The following ABCA1 variants were observed in gnomAD, a reference collection of about 807,000 sequenced individuals.
The protein encoded by ABCA1 is phospholipid-transporting ATPase ABCA1.
Under a neutral mutation model 262.5 loss-of-function variants are expected in ABCA1, and 133 were observed. That is an observed-to-expected ratio of 0.51 (90% CI 0.44 to 0.59). The LOEUF (loss-of-function observed/expected upper bound fraction) is 0.59, where lower values mean the gene tolerates loss of function less well. Among genes scored for constraint, ABCA1 ranks in the 20% least tolerant of loss-of-function variants. The pLI, the probability that ABCA1 is intolerant of heterozygous loss-of-function variation, is 0.00. For synonymous variants in ABCA1, 1,022 were observed against 1,043.5 expected, an observed-to-expected ratio of 0.98 and a Z score of 0.40; for missense variants, 2,452 against 2,777.5, an observed-to-expected ratio of 0.88 and a Z score of 2.63.
At position 104,792,578 on chromosome 9, in the gene ABCA1, T is replaced by C. The variant is rs537841278; in HGVS notation, c.5757+208A>G. 7.2e-5 allele frequency among the ~76,000 whole-genome samples: 11 copies of C among 152,350 alleles called. No individual in the cohort carries two copies. In the East Asian group the frequency reaches 1.2e-3, roughly 16 times the overall value. On this transcript the variant is annotated intron_variant, in intron 42 of 49. Transcript: ENST00000374736. ...CATATAAAACCAATGTATTCGAGAA[T>C]GGGAATTCATATCACAAAAGAATTC...
At chr9:104,807,207 G>A (rs1380541770) in intron 30 of ABCA1, among the ~76,000 whole-genome samples, 1 of 152,084 alleles carries the variant, frequency 6.6e-6, no homozygotes, top group Non-Finnish European at 1.5e-5. Flanking sequence ...AGTAGAGACT[G>A]GCAAGATCCA....
At position 104,782,196 on chromosome 9, in the gene ABCA1, C is replaced by A. The variant is rs1828585750; in HGVS notation, c.*2119G>T. ...ATGAGGAGAAATTATTCTATAAATT[C>A]TGTATTTTTGAAGATACTGTAAAAT... On this transcript the variant is annotated 3_prime_UTR_variant, in exon 50 of 50. Coordinates refer to ENST00000374736, the MANE Select transcript of ABCA1 (RefSeq NM_005502.4). 1 of 152,042 alleles carries A rather than the reference C, an allele frequency of 6.6e-6. No individual in the cohort carries two copies. The highest frequency in any genetic ancestry group is 1.5e-5 in the Non-Finnish European group (1 of 67,954). 9.4% of individuals were successfully genotyped at this position (152,042 alleles called of 1,614,324 possible). A position where few individuals can be genotyped will look rare whatever the true frequency, so the allele number is the denominator to read the frequency against.
At chr9:104,806,948 A>G (rs974522395) in intron 30 of ABCA1, among the ~76,000 whole-genome samples, 2 of 152,240 alleles carry the variant, frequency 1.3e-5, no homozygotes, top group East Asian at 1.9e-4. Flanking sequence ...CAGCCAAAAC[A>G]TAACAATGAT....
chr9:104,796,329 G>A lies in ABCA1; in HGVS notation c.5217C>T (p.Ala1739=), dbSNP rs1829896152. The A allele has an allele frequency of 6.2e-7, 1 of 1,614,078 alleles. No homozygotes were observed. Among genetic ancestry groups the A allele is most frequent in the Non-Finnish European group, 8.5e-7 (1 of 1,180,032 alleles). The change falls in exon 38 of 50, where the codon GCC becomes GCT. Residue 1739 remains alanine (A), a synonymous_variant. Transcript: ENST00000374736. ...CTTACCCATACAGCAAAAGTAGAAG[G>A]GCTAGCACAGGCAGATTGGTGGAGG... ...YVSSTNLPVL[A]LLLLLYGWSI...
chr9:104,899,366 A>G (rs1317147699), intron 2 of ABCA1, among the ~76,000 whole-genome samples: 1 of 152,170 alleles, frequency 6.6e-6, no homozygotes. Context: ...TAATTTTTGG[A>G]TAGTTCATTC....
At chr9:104,896,601 T>A (rs1173240815) in intron 2 of ABCA1, among the ~76,000 whole-genome samples, 1 of 150,962 alleles carries the variant, frequency 6.6e-6, no homozygotes, top group Admixed American at 6.6e-5. Context: ...CTCCCCCATA[T>A]ATCAGAATGT....
At chr9:104,814,510 C>A (rs1165413192) in intron 25 of ABCA1, 35 bp from the exon 26 acceptor site, 8 of 1,602,526 alleles carry the variant, frequency 5.0e-6, no homozygotes, top group Non-Finnish European at 6.8e-6. Flanking sequence ...ATTATAAGCA[C>A]CAACATTACG....
At chr9:104,887,224 G>GCCTC (rs1839255918) in intron 3 of ABCA1, among the ~76,000 whole-genome samples, 2 of 152,224 alleles carry the variant, frequency 1.3e-5, no homozygotes, top group Admixed American at 6.5e-5. Flanking sequence ...ATTGTAGTGA[G>GCCTC]CGGAGATTGC....
intron 1 of ABCA1, among the ~76,000 whole-genome samples, chr9:104,914,139 T>C (rs1841691588): frequency 6.6e-6 from 1 of 151,482 alleles, no homozygotes; most frequent in African/African-American, 2.4e-5. Flanking sequence ...TTCCTGTCCA[T>C]CCCATTTCCT....
rs898851105 is a variant in ABCA1 at position 104,829,147 on chromosome 9, C to T, written c.1893-9G>A. On this transcript the variant is annotated splice_polypyrimidine_tract_variant and intron_variant, in intron 14 of 49. Transcript: ENST00000374736. ...TCATCACCCGCAGAAAGCTGGAGGC[C>T]CCAAGGAAGGACAAGGGGAGAAAGA... 2 of 1,613,852 alleles carry T rather than the reference C, an allele frequency of 1.2e-6. No homozygotes were observed. Among genetic ancestry groups the T allele is most frequent in the Non-Finnish European group, 1.7e-6 (2 of 1,179,994 alleles).
intron 21 of ABCA1, 72 bp downstream of exon 21, chr9:104,819,855 C>A: frequency 6.2e-7 from 1 of 1,608,802 alleles, no homozygotes; most frequent in African/African-American, 1.3e-5. Flanking sequence ...TGGGGCAGTG[C>A]TGATTTTCCT....
At chr9:104,913,804 T>C (rs906303612) in intron 1 of ABCA1, among the ~76,000 whole-genome samples, 18 of 152,146 alleles carry the variant, frequency 1.2e-4, no homozygotes, top group Non-Finnish European at 2.5e-4. Flanking sequence ...TATTTATCTA[T>C]TTATTTATTT....
intron 3 of ABCA1, among the ~76,000 whole-genome samples, chr9:104,885,709 T>G (rs1290494345): frequency 6.6e-6 from 1 of 152,198 alleles, no homozygotes; most frequent in East Asian, 1.9e-4. Flanking sequence ...AATACATGGA[T>G]GCTGCTTATG....
At chr9:104,903,821 C>A in intron 1 of ABCA1, 50 bp from the exon 2 acceptor site, 1 of 782,668 alleles carries the variant, frequency 1.3e-6, no homozygotes, top group South Asian at 1.5e-5. Flanking sequence ...TGCTGCAAAG[C>A]CATACACCAA....
At chr9:104,813,657 C>T (rs1481190004) in intron 27 of ABCA1, among the ~76,000 whole-genome samples, 1 of 152,214 alleles carries the variant, frequency 6.6e-6, no homozygotes, top group South Asian at 2.1e-4. Context: ...AGGTGATCTA[C>T]CCACCTCAGC....
chr9:104,865,071 G>C (rs936139115), intron 5 of ABCA1, among the ~76,000 whole-genome samples: 1 of 152,218 alleles, frequency 6.6e-6, no homozygotes, highest in Non-Finnish European at 1.5e-5. Context: ...TGATCACGTG[G>C]ATATCCACCC....
rs764904802 is a variant in ABCA1 at position 104,785,537 on chromosome 9, T to C, written c.6504A>G (p.Leu2168=). 13 of 1,614,068 alleles carry C rather than the reference T, an allele frequency of 8.1e-6. No homozygotes were observed. The highest frequency in any genetic ancestry group is 2.2e-5 in the East Asian group (1 of 44,894). The part of the protein sequence containing the change: ...FFGLAFPGSV[L]KEKHRNMLQY... ...GTAGCATGTTCCGGTGTTTCTCTTT[T>C]AGAACACTTCCAGGAAATGCAAGTC... Residue 2168 remains leucine, a synonymous_variant, in exon 49 of 50, where the codon CTA becomes CTG. Coordinates refer to ENST00000374736, the MANE Select transcript of ABCA1 (RefSeq NM_005502.4).
In ABCA1 at chr9:104,787,175, G is replaced by T. The variant is rs111877459; in HGVS notation, c.6205-199C>A. Among the ~76,000 whole-genome samples the T allele has an allele frequency of 7.3e-3, 1,113 of 152,204 alleles. 16 individuals carry two copies. The highest frequency in any genetic ancestry group is 0.025 in the African/African-American group (1,051 of 41,524). ...TCATTATTATAAATGTCTTATTGAT[G>T]CAGGAAACTCAAATATTCTGAGTAC... On this transcript the variant is annotated intron_variant, in intron 46 of 49. Transcript: ENST00000374736.
chr9:104,909,013 C>T (rs978216221), intron 1 of ABCA1, among the ~76,000 whole-genome samples: 5 of 152,132 alleles, frequency 3.3e-5, no homozygotes, highest in African/African-American at 1.2e-4. Context: ...AAATCTGAAC[C>T]AAATAAACTG....
Sources: allele counts gnomAD v4.1 joint callset (sites outside exome capture counted in the v4.1 genomes callset), GRCh38; gene constraint gnomAD v4.1.1; transcripts MANE v1.5; gene names NCBI Gene and HGNC (gene_info 2026-07-23, HGNC 2026-07-21).